Variants in NUMB observed in about 807,000 individuals in gnomAD.
NUMB encodes protein numb homolog.
Under a neutral mutation model 59.7 loss-of-function variants are expected in NUMB, and 29 were observed. That is an observed-to-expected ratio of 0.49 (90% CI 0.36 to 0.66). The LOEUF (loss-of-function observed/expected upper bound fraction) is 0.66, where lower values mean the gene tolerates loss of function less well. Ranked by LOEUF, NUMB falls within the 30% of genes least tolerant of loss-of-function variation. The pLI is 0.00. For missense variants in NUMB, 723 were observed against 822.0 expected (o/e 0.88, Z 1.47); for synonymous variants, 288 against 288.2 (o/e 1.00, Z 0.01).
chr14:73,457,158 C>T (rs2140220794), intron 1 of NUMB, among the ~76,000 whole-genome samples: 1 of 152,254 alleles, frequency 6.6e-6, no homozygotes, highest in East Asian at 1.9e-4. Context: ...CTCAAAACTT[C>T]TTTTCACTTT....
At chr14:73,359,693 G>A (rs1474659876) in intron 3 of NUMB, among the ~76,000 whole-genome samples, 2 of 152,144 alleles carry the variant, frequency 1.3e-5, no homozygotes, top group Non-Finnish European at 2.9e-5. Flanking sequence ...GAATGGGGAG[G>A]TGGTGGAGGC....
chr14:73,350,843 A>G (rs1893211272), intron 4 of NUMB, among the ~76,000 whole-genome samples: 1 of 151,806 alleles, frequency 6.6e-6, no homozygotes, highest in Non-Finnish European at 1.5e-5. Context: ...TTTACCTCTT[A>G]ATTATCGATC....
chr14:73,313,668 G>A (rs200856714), intron 6 of NUMB, among the ~76,000 whole-genome samples: 161 of 124,020 alleles, frequency 1.3e-3, no homozygotes, highest in East Asian at 4.1e-3. Flanking sequence ...TCCAAAATCT[G>A]AAAAAAAAAA....
At chr14:73,283,268 A>C (rs895319858) in intron 10 of NUMB, among the ~76,000 whole-genome samples, 19 of 152,182 alleles carry the variant, frequency 1.2e-4, no homozygotes, top group African/African-American at 4.3e-4. Flanking sequence ...ACCCTCCGTA[A>C]TCATCTAGTC....
chr14:73,386,043 G>A (rs1433403895), intron 2 of NUMB, among the ~76,000 whole-genome samples: 4 of 151,992 alleles, frequency 2.6e-5, no homozygotes, highest in African/African-American at 9.7e-5. Flanking sequence ...GAAAGTCCTA[G>A]GAACCTCCTA....
rs367585530 is a variant in NUMB at position 73,449,103 on chromosome 14, T to C, written c.-233+9390A>G. ...TACATAACATTTATATCATATTAGGTTGGTGTAAAAGTAATTGTGTTTTTG... is the reference window on the plus strand; with the variant it reads ...TACATAACATTTATATCATATTAGGCTGGTGTAAAAGTAATTGTGTTTTTG... On this transcript the variant is annotated intron_variant, in intron 1 of 12. Transcript: ENST00000555238. Among the ~76,000 whole-genome samples the C allele has an allele frequency of 3.3e-5, 5 of 152,226 alleles. No homozygotes were observed. In the East Asian group the frequency reaches 5.8e-4, roughly 18 times the overall value.
At chr14:73,374,719 CTTTTTTT>C (rs368185389) in intron 2 of NUMB, among the ~76,000 whole-genome samples, 1 of 119,326 alleles carries the variant, frequency 8.4e-6, no homozygotes, top group Non-Finnish European at 1.7e-5. Flanking sequence ...GTTACATTAA[CTTTTTTT>C]TTTTTTTTTT....
At position 73,336,060 on chromosome 14, in the gene NUMB, CT is replaced by C. The variant is rs571576603; in HGVS notation, c.127-12857del. Among the ~76,000 whole-genome samples, 31 of 152,208 alleles carry C rather than the reference CT, an allele frequency of 2.0e-4. No homozygotes were observed. In the East Asian group the frequency reaches 5.6e-3, roughly 27 times the overall value. On this transcript the variant is annotated intron_variant, in intron 4 of 12. Transcript: ENST00000555238. ...CTGAAAAAAATGTGAGATCCCAAAA[CT>C]TTACTTTTCAAACGTGACATAAGGT...
intron 1 of NUMB, among the ~76,000 whole-genome samples, chr14:73,455,756 CT>C (rs1884323863): frequency 6.6e-6 from 1 of 151,110 alleles, no homozygotes; most frequent in Non-Finnish European, 1.5e-5. Context: ...GTGTTTCTTA[CT>C]TTGTTTTTGC....
intron 1 of NUMB, among the ~76,000 whole-genome samples, chr14:73,448,284 T>C (rs546651781): frequency 6.6e-6 from 1 of 152,236 alleles, no homozygotes; most frequent in Non-Finnish European, 1.5e-5. Context: ...TGAAGTCTAT[T>C]ACATCATGAA....
At chr14:73,425,286 T>C (rs534895621) in intron 1 of NUMB, among the ~76,000 whole-genome samples, 188 of 152,278 alleles carry the variant, frequency 1.2e-3, no homozygotes, top group Middle Eastern at 3.4e-3. Context: ...CTCTGTTACA[T>C]TGAAAAAAAT....
Position 73,379,845 on chromosome 14 carries a change from A to C in NUMB, c.-100-12864T>G, listed in dbSNP as rs74064621. 7.6e-3 allele frequency among the ~76,000 whole-genome samples: 1,160 copies of C among 152,254 alleles called. 15 individuals are homozygous for C. The highest frequency in any genetic ancestry group is 0.026 in the African/African-American group (1,087 of 41,526). On this transcript the variant is annotated intron_variant, in intron 2 of 12. Transcript: ENST00000555238. ...GGAAATGAGGTTGGAAAGAAAGCCG[A>C]ATGTTTCAGAAAGTTTCAGAGGCCA...
chr14:73,353,196 T>C (rs1443673349), intron 4 of NUMB, among the ~76,000 whole-genome samples: 4 of 146,818 alleles, frequency 2.7e-5, no homozygotes, highest in Non-Finnish European at 6.0e-5. Flanking sequence ...GCAATTCTCC[T>C]GCCTTAGCTT....
intron 10 of NUMB, among the ~76,000 whole-genome samples, chr14:73,282,961 T>A (rs577744577): frequency 6.6e-6 from 1 of 152,366 alleles, no homozygotes; most frequent in East Asian, 1.9e-4. Context: ...CACTAGTGGA[T>A]GCTTAGTGCT....
At chr14:73,392,680 A>G (rs969137981) in intron 2 of NUMB, among the ~76,000 whole-genome samples, 2 of 152,232 alleles carry the variant, frequency 1.3e-5, no homozygotes, top group Non-Finnish European at 2.9e-5. Context: ...TTGGCCTATA[A>G]TAACAATAAT....
chr14:73,323,263 G>A, intron 4 of NUMB, 59 bp from the exon 5 acceptor site: 1 of 1,147,432 alleles, frequency 8.7e-7, no homozygotes, highest in Non-Finnish European at 1.3e-6. Flanking sequence ...CTACTATACA[G>A]TAAGCATTAG....
intron 4 of NUMB, among the ~76,000 whole-genome samples, chr14:73,327,991 T>C (rs1891754297): frequency 6.6e-6 from 1 of 152,078 alleles, no homozygotes; most frequent in African/African-American, 2.4e-5. Context: ...AATTATCATA[T>C]TGGCTGGGCG....
intron 2 of NUMB, among the ~76,000 whole-genome samples, chr14:73,376,253 C>T (rs1594964270): frequency 6.6e-6 from 1 of 152,122 alleles, no homozygotes; most frequent in East Asian, 1.9e-4. Flanking sequence ...TTCCTATATA[C>T]CAGTAATAAA....
chr14:73,408,479 A>AAAC (rs59310956), intron 2 of NUMB, among the ~76,000 whole-genome samples: 7,810 of 152,270 alleles, frequency 0.051, 648 homozygotes, highest in African/African-American at 0.18. Context: ...GTGTTCTTAA[A>AAAC]AACAACAACA....
Sources: allele counts gnomAD v4.1 joint callset (sites outside exome capture counted in the v4.1 genomes callset), GRCh38; gene constraint gnomAD v4.1.1; transcripts MANE v1.5; gene names NCBI Gene and HGNC (gene_info 2026-07-23, HGNC 2026-07-21).